Variants in JAKMIP3 observed in about 807,000 individuals in gnomAD.
JAKMIP3 encodes Janus kinase and microtubule interacting protein 3, also known as janus kinase and microtubule-interacting protein 3.
Under a neutral mutation model 118.5 loss-of-function variants are expected in JAKMIP3, and 58 were observed. The ratio of observed to expected loss-of-function variants is 0.49; its 90% CI spans 0.40 to 0.61. The LOEUF is 0.61. JAKMIP3 is among the 20% of genes least tolerant of loss of function. The pLI, the probability that JAKMIP3 is intolerant of heterozygous loss-of-function variation, is 0.00. For synonymous variants in JAKMIP3, 486 were observed against 451.2 expected (o/e 1.08, Z -0.98); for missense variants, 950 against 1,109.0 (o/e 0.86, Z 2.04).
At chr10:132,094,771 G>T (rs935894128) in intron 1 of JAKMIP3, among the ~76,000 whole-genome samples, 1 of 152,080 alleles carries the variant, frequency 6.6e-6, no homozygotes, top group African/African-American at 2.4e-5. Flanking sequence ...AGAGGAACCC[G>T]CGGTGAGTGG....
intron 1 of JAKMIP3, among the ~76,000 whole-genome samples, chr10:132,100,939 T>TG (rs1196944711): frequency 6.6e-6 from 1 of 152,128 alleles, no homozygotes; most frequent in Non-Finnish European, 1.5e-5. Context: ...CCTTGCCACT[T>TG]GGGGGAGATT....
intron 9 of JAKMIP3, among the ~76,000 whole-genome samples, chr10:132,139,265 T>C (rs1206115638): frequency 1.4e-5 from 2 of 145,118 alleles, no homozygotes; most frequent in Non-Finnish European, 3.0e-5. Context: ...TGTGTGTGTA[T>C]GTGTGTACAT....
rs763889513 is a variant in JAKMIP3 at position 132,087,755 on chromosome 10, C to A, written c.-137-16917C>A. 2.0e-5 allele frequency among the ~76,000 whole-genome samples: 3 copies of A among 151,528 alleles called. No homozygotes were observed. The East Asian group carries it at 5.9e-4, about 30-fold the overall frequency. On this transcript the variant is annotated intron_variant, in intron 1 of 23. Coordinates refer to ENST00000684848, the MANE Select transcript of JAKMIP3 (RefSeq NM_001323087.2). ...TAAGTTCTAGGGTTCATGTGCACAACGTGCAGGTTAGTTACATATGTATAC... is the reference window on the plus strand; with the variant it reads ...TAAGTTCTAGGGTTCATGTGCACAAAGTGCAGGTTAGTTACATATGTATAC...
chr10:132,155,955 C>T (rs1487811199), intron 19 of JAKMIP3, among the ~76,000 whole-genome samples: 4 of 152,172 alleles, frequency 2.6e-5, no homozygotes, highest in African/African-American at 9.7e-5. Flanking sequence ...GGGCGGCTCC[C>T]AGGCACAGGC....
chr10:132,134,562 T>C (rs2051326006), intron 4 of JAKMIP3, among the ~76,000 whole-genome samples: 1 of 152,110 alleles, frequency 6.6e-6, no homozygotes, highest in African/African-American at 2.4e-5. Flanking sequence ...CTCCCACAAG[T>C]GTCTTTCCCG....
At position 132,104,907 on chromosome 10, in the gene JAKMIP3, A is replaced by C. The variant is rs1434594466; in HGVS notation, c.99A>C (p.Thr33=). ...AANEDLRAKL[T]DIQIELQQEK... is the part of the protein sequence containing the mutation. Reference sequence around the variant, plus strand: ...ACGAGGATCTTCGAGCCAAGCTCACAGACATCCAGATCGAGCTGCAGCAGG... The same window carrying C: ...ACGAGGATCTTCGAGCCAAGCTCACCGACATCCAGATCGAGCTGCAGCAGG... Residue 33 remains threonine, a synonymous_variant, in exon 2 of 24, where the codon ACA becomes ACC. Transcript: ENST00000684848. 3 of 1,589,226 alleles carry C rather than the reference A, an allele frequency of 1.9e-6. No homozygotes were observed. The highest frequency in any genetic ancestry group is 2.6e-6 in the Non-Finnish European group (3 of 1,168,062).
At chr10:132,104,428 T>A (rs1486121500) in intron 1 of JAKMIP3, among the ~76,000 whole-genome samples, 1 of 152,180 alleles carries the variant, frequency 6.6e-6, no homozygotes, top group Non-Finnish European at 1.5e-5. Flanking sequence ...GTGCTGAGTG[T>A]TCATCCCATG....
intron 8 of JAKMIP3, among the ~76,000 whole-genome samples, chr10:132,137,642 C>T (rs1404773459): frequency 1.3e-5 from 2 of 152,226 alleles, no homozygotes; most frequent in African/African-American, 4.8e-5. Flanking sequence ...CAGCCGCAGC[C>T]CAAGAGGTTC....
In JAKMIP3 at chr10:132,148,519, G is replaced by A. The variant is rs891991670; in HGVS notation, c.1848+469G>A. On this transcript the variant is annotated intron_variant, in intron 14 of 23. Coordinates refer to ENST00000684848, the MANE Select transcript of JAKMIP3 (RefSeq NM_001323087.2). ...GAGCCGGCACGTCCGTCCTCCATCC[G>A]CCCGTCCTCCATCCGCCCCCGTGGC... 6.0e-5 allele frequency among the ~76,000 whole-genome samples: 7 copies of A among 115,978 alleles called. No homozygotes were observed. The East Asian group carries it at 1.2e-3, about 19-fold the overall frequency. 76.1% of individuals were successfully genotyped at this position (115,978 alleles called of 152,430 possible).
At chr10:132,103,265 A>T (rs2045297915) in intron 1 of JAKMIP3, among the ~76,000 whole-genome samples, 1 of 151,604 alleles carries the variant, frequency 6.6e-6, no homozygotes, top group Non-Finnish European at 1.5e-5. Flanking sequence ...AGCCCAATGG[A>T]CCTGTTAGGA....
In JAKMIP3 at chr10:132,133,315, G is replaced by C; in HGVS notation, c.637G>C (p.Glu213Gln). 1 of 1,579,886 alleles carries C rather than the reference G, an allele frequency of 6.3e-7. No homozygotes were observed. The change falls in exon 4 of 24, where the codon GAG (glutamate) becomes CAG (glutamine). Residue 213 changes from glutamate to glutamine, a missense_variant. Glu to Gln is a conservative substitution (Grantham distance 29). Transcript: ENST00000684848. ...ECEREIRRLM[E>Q]EIKFKDRAVF... Reference sequence around the variant, plus strand: ...TTGTGTTCTGTTCTCCTTGTAGATGGAGGAGATAAAATTTAAAGACAGAGC... The same window carrying C: ...TTGTGTTCTGTTCTCCTTGTAGATGCAGGAGATAAAATTTAAAGACAGAGC...
At chr10:132,123,313 G>A (rs906221415) in intron 3 of JAKMIP3, among the ~76,000 whole-genome samples, 5 of 152,162 alleles carry the variant, frequency 3.3e-5, no homozygotes, top group South Asian at 2.1e-4. Context: ...CTGCATGCAC[G>A]CTCAGCGCGT....
Position 132,148,255 on chromosome 10 carries a change from C to T in JAKMIP3, c.1848+205C>T, listed in dbSNP as rs545674818. On this transcript the variant is annotated intron_variant, in intron 14 of 23. Transcript: ENST00000684848. ...CAAACATCCAATGGGGAACATGGGC[C>T]ATGGAGCTCAGTGTCAGGCAGGGAC... 5.8e-4 allele frequency among the ~76,000 whole-genome samples: 88 copies of T among 152,284 alleles called. 1 individual carries two copies. The highest frequency in any genetic ancestry group is 1.6e-3 in the Admixed American group (25 of 15,302).
At chr10:132,102,256 G>C (rs1042844465) in intron 1 of JAKMIP3, among the ~76,000 whole-genome samples, 1 of 152,116 alleles carries the variant, frequency 6.6e-6, no homozygotes, top group African/African-American at 2.4e-5. Context: ...GCTGGAAAGG[G>C]GAGACAGGCA....
chr10:132,147,431 A>G (rs2054845826), intron 13 of JAKMIP3, among the ~76,000 whole-genome samples: 1 of 152,166 alleles, frequency 6.6e-6, no homozygotes, highest in Non-Finnish European at 1.5e-5. Flanking sequence ...TTCCGTTTAA[A>G]CAGCTCCTTA....
At chr10:132,129,642 G>C (rs1228182776) in intron 3 of JAKMIP3, among the ~76,000 whole-genome samples, 6 of 152,210 alleles carry the variant, frequency 3.9e-5, no homozygotes, top group Non-Finnish European at 7.3e-5. Context: ...GGGGCCCCGT[G>C]ATGAGAGGCA....
At chr10:132,180,730 C>CGTGTGTGT (rs1211226738) in intron 23 of JAKMIP3, among the ~76,000 whole-genome samples, 1 of 8,676 alleles carries the variant, frequency 1.2e-4, no homozygotes, top group South Asian at 3.1e-3. Context: ...CGTGTGTGTG[C>CGTGTGTGT]GTGTGTGCGT....
intron 1 of JAKMIP3, among the ~76,000 whole-genome samples, chr10:132,096,402 A>G (rs926783280): frequency 6.6e-6 from 1 of 152,060 alleles, no homozygotes; most frequent in Non-Finnish European, 1.5e-5. Flanking sequence ...CTCATACAAC[A>G]TGTGTCTCCT....
intron 3 of JAKMIP3, among the ~76,000 whole-genome samples, chr10:132,123,020 G>T (rs1244403559): frequency 5.9e-5 from 9 of 152,198 alleles, no homozygotes; most frequent in Non-Finnish European, 1.3e-4. Flanking sequence ...GCCTCGGAAG[G>T]CTCCGGAGCC....
Sources: allele counts gnomAD v4.1 joint callset (sites outside exome capture counted in the v4.1 genomes callset), GRCh38; gene constraint gnomAD v4.1.1; transcripts MANE v1.5; gene names NCBI Gene and HGNC (gene_info 2026-07-23, HGNC 2026-07-21).